BIN3: variants seen among roughly 807,000 people sequenced by gnomAD.
The protein encoded by BIN3 is bridging integrator 3.
Under a neutral mutation model 38.2 loss-of-function variants are expected in BIN3, and 41 were observed. The ratio of observed to expected loss-of-function variants is 1.07; its 90% CI spans 0.84 to 1.39. BIN3 has a LOEUF of 1.39. BIN3 is among the 40% of genes most tolerant of loss of function. The pLI, the probability that BIN3 is intolerant of heterozygous loss-of-function variation, is 0.00. For synonymous variants in BIN3, 145 were observed against 122.6 expected (o/e 1.18, Z -1.21); for missense variants, 361 against 324.3 (o/e 1.11, Z -0.87).
chr8:22,646,055 G>C (rs1379243309), intron 1 of BIN3, among the ~76,000 whole-genome samples: 1 of 152,220 alleles, frequency 6.6e-6, no homozygotes, highest in African/African-American at 2.4e-5. Context: ...CACTGAGCAG[G>C]CTGCCCTTCG....
chr8:22,636,739 G>A, intron 3 of BIN3, 153 bp from the exon 4 acceptor site: 1 of 992,028 alleles, frequency 1.0e-6, no homozygotes, highest in South Asian at 1.5e-5. Context: ...ACACCCAAAG[G>A]CTATGAGTGA....
At chr8:22,662,838 T>C (rs1337789280) in intron 1 of BIN3, among the ~76,000 whole-genome samples, 1 of 152,202 alleles carries the variant, frequency 6.6e-6, no homozygotes, top group Non-Finnish European at 1.5e-5. Context: ...TGGGTCATTC[T>C]TTAAAAAAAC....
chr8:22,630,056 C>G lies in BIN3; in HGVS notation c.298-52G>C. The G allele has an allele frequency of 2.6e-6, 4 of 1,535,174 alleles. No homozygotes were observed. In the Admixed American group the frequency reaches 5.4e-5, roughly 21 times the overall value. On this transcript the variant is annotated intron_variant, in intron 5 of 8. Coordinates refer to ENST00000276416, the MANE Select transcript of BIN3 (RefSeq NM_018688.6). ...AAAACTGGTGGGGAGGGGAGGGCGA[C>G]ACGCAAGGCAGGGCCCCTAACTACC...
chr8:22,663,239 T>C (rs1284708081), intron 1 of BIN3, among the ~76,000 whole-genome samples: 1 of 151,784 alleles, frequency 6.6e-6, no homozygotes, highest in Non-Finnish European at 1.5e-5. Context: ...TGAGTTGTGA[T>C]ATCAAAGGTA....
chr8:22,648,823 A>G (rs1802789981), intron 1 of BIN3, among the ~76,000 whole-genome samples: 1 of 152,126 alleles, frequency 6.6e-6, no homozygotes, highest in Admixed American at 6.5e-5. Flanking sequence ...TTGATGCTCA[A>G]ACTGTTCCAG....
intron 1 of BIN3, among the ~76,000 whole-genome samples, chr8:22,655,190 T>C (rs1803017024): frequency 6.6e-6 from 1 of 152,248 alleles, no homozygotes; most frequent in African/African-American, 2.4e-5. Context: ...TTCTGGGTAT[T>C]AGCCCATAAT....
intron 8 of BIN3, 120 bp downstream of exon 8, chr8:22,623,795 G>T (rs1326064862): frequency 2.3e-6 from 3 of 1,289,906 alleles, no homozygotes; most frequent in Non-Finnish European, 3.1e-6. Flanking sequence ...TCAGGGCTTT[G>T]CCTGGGGTGG....
rs756063231 is a variant in BIN3 at position 22,623,893 on chromosome 8, G to A, written c.615+22C>T. The A allele has an allele frequency of 8.1e-6, 13 of 1,609,242 alleles. No individual in the cohort carries two copies. The East Asian group carries it at 2.0e-4, about 25-fold the overall frequency. The stretch of plus-strand genomic sequence containing the variant: ...TGAGCTGTGTATACCAAGCCCAGGG[G>A]AAGAGCACCTGGCGGCCTCACCTGA... On this transcript the variant is annotated intron_variant, in intron 8 of 8. Coordinates refer to ENST00000276416, the MANE Select transcript of BIN3 (RefSeq NM_018688.6).
rs1328983380 is a variant in BIN3 at position 22,621,181 on chromosome 8, A to C, written c.*241T>G. The C allele has an allele frequency of 1.9e-6, 1 of 534,912 alleles. No homozygotes were observed. The highest frequency in any genetic ancestry group is 3.3e-6 in the Non-Finnish European group (1 of 301,674). The allele number at this position is 534,912 out of a possible 1,614,324, so 33.1% of individuals were successfully genotyped here. On this transcript the variant is annotated 3_prime_UTR_variant, in exon 9 of 9. Transcript: ENST00000276416. ...CAGGATGCATGCTGGACGGTTCTCCAAATAAAAAAGCCCCAAGGGTTTGTC... is the reference window on the plus strand; with the variant it reads ...CAGGATGCATGCTGGACGGTTCTCCCAATAAAAAAGCCCCAAGGGTTTGTC...
intron 4 of BIN3, among the ~76,000 whole-genome samples, chr8:22,635,427 C>CCCA (rs1802336520): frequency 6.6e-6 from 1 of 152,120 alleles, no homozygotes; most frequent in East Asian, 1.9e-4. Context: ...CCTGGCCATA[C>CCCA]CCAAGTCTCT....
At chr8:22,668,956 G>T in intron 1 of BIN3, 88 bp downstream of exon 1, 1 of 1,522,566 alleles carries the variant, frequency 6.6e-7, no homozygotes, top group Non-Finnish European at 8.9e-7. Flanking sequence ...CGCGGGACCG[G>T]AGGGAGCCGG....
intron 2 of BIN3, among the ~76,000 whole-genome samples, chr8:22,638,448 G>A (rs1175084693): frequency 1.3e-5 from 2 of 152,200 alleles, no homozygotes; most frequent in Admixed American, 1.3e-4. Flanking sequence ...TCATTCCTAC[G>A]AACATGTATG....
chr8:22,621,340 T>C lies in BIN3; in HGVS notation c.*82A>G. 6.7e-7 allele frequency: 1 copy of C among 1,501,356 alleles called. No homozygotes were observed. Among genetic ancestry groups the C allele is most frequent in the Non-Finnish European group, 8.9e-7 (1 of 1,117,374 alleles). The allele number at this position is 1,501,356 out of a possible 1,614,324, so 93.0% of individuals were successfully genotyped here. On this transcript the variant is annotated 3_prime_UTR_variant, in exon 9 of 9. Coordinates refer to ENST00000276416, the MANE Select transcript of BIN3 (RefSeq NM_018688.6). ...CAGGGCCACCTCTGTCCCCAGCCTG[T>C]GAGAGGAGCAGCTAGCCCTGAGAAG...
At chr8:22,629,293 G>A (rs1354205798) in intron 6 of BIN3, among the ~76,000 whole-genome samples, 1 of 152,194 alleles carries the variant, frequency 6.6e-6, no homozygotes, top group Non-Finnish European at 1.5e-5. Flanking sequence ...AGCTTTCTAG[G>A]TCACAGCCTG....
intron 5 of BIN3, 124 bp downstream of exon 5, chr8:22,630,318 G>A (rs747617084): frequency 5.2e-5 from 72 of 1,379,422 alleles, no homozygotes; most frequent in Non-Finnish European, 6.9e-5. Flanking sequence ...TGCAGCACAC[G>A]AGGCCAGAGG....
rs751194383 is a variant in BIN3 at position 22,661,352 on chromosome 8, C to CTTTTTTTTTTTT, written c.8+7680_8+7691dup. On this transcript the variant is annotated intron_variant, in intron 1 of 8. Coordinates refer to ENST00000276416, the MANE Select transcript of BIN3 (RefSeq NM_018688.6). ...ATAGTACAATGTTGAATGTATCATT[C>CTTTTTTTTTTTT]TTTTTTTTTTTTTTTTTTTTTTTGA... is the stretch of plus-strand genomic sequence containing the variant. 1.6e-3 allele frequency among the ~76,000 whole-genome samples: 139 copies of CTTTTTTTTTTTT among 84,452 alleles called. 12 individuals are homozygous for CTTTTTTTTTTTT. Among genetic ancestry groups the CTTTTTTTTTTTT allele is most frequent in the Non-Finnish European group, 1.9e-3 (94 of 48,436 alleles). The allele number at this position is 84,452 out of a possible 152,430, so 55.4% of individuals were successfully genotyped here.
intron 1 of BIN3, among the ~76,000 whole-genome samples, chr8:22,668,129 T>C (rs1803485891): frequency 6.6e-6 from 1 of 152,180 alleles, no homozygotes; most frequent in Non-Finnish European, 1.5e-5. Flanking sequence ...TGTGGCTATA[T>C]AGGTCCTTGG....
intron 4 of BIN3, among the ~76,000 whole-genome samples, chr8:22,631,029 A>G (rs1236173783): frequency 2.6e-5 from 4 of 152,208 alleles, no homozygotes; most frequent in African/African-American, 9.6e-5. Flanking sequence ...AAAAGGCCCA[A>G]CAGTAAATAT....
chr8:22,641,859 G>A (rs1173378049), intron 2 of BIN3, among the ~76,000 whole-genome samples: 7 of 152,188 alleles, frequency 4.6e-5, no homozygotes, highest in African/African-American at 1.7e-4. Flanking sequence ...AGGTTATGGA[G>A]GAAGGTGTGG....
Sources: gnomAD v4.1 joint callset for allele counts (sites outside exome capture counted in the v4.1 genomes callset) on GRCh38, gnomAD v4.1.1 for gene constraint, MANE v1.5 for transcripts, NCBI Gene and HGNC (gene_info 2026-07-23, HGNC 2026-07-21) for gene names.